MED27: variants seen among roughly 807,000 people sequenced by gnomAD.
MED27 encodes the protein mediator complex subunit 27, also known as mediator of RNA polymerase II transcription subunit 27.
MED27 carries 30 observed loss-of-function variants against 38.2 expected under a neutral mutation model. The ratio of observed to expected loss-of-function variants is 0.79; its 90% confidence interval spans 0.59 to 1.07. MED27 has a LOEUF of 1.07. Ranked by LOEUF, MED27 falls within the 50% of genes least tolerant of loss-of-function variation. The probability of loss-of-function intolerance (pLI) is 0.00; values close to 1 mark genes in which losing one functional copy is unlikely to be tolerated. For synonymous variants in MED27, 122 were observed against 153.5 expected (o/e 0.79, Z 1.52); for missense variants, 289 against 397.5 (o/e 0.73, Z 2.32).
At chr9:132,056,239 A>T (rs1335006010) in intron 2 of MED27, among the ~76,000 whole-genome samples, 1 of 152,234 alleles carries the variant, frequency 6.6e-6, no homozygotes, top group South Asian at 2.1e-4. Flanking sequence ...TTAGTTCCAC[A>T]ACAGACACTG....
In MED27 at chr9:131,939,413, A is replaced by G. The variant is rs1365779062; in HGVS notation, c.541T>C (p.Ser181Pro). ...RMFPEMSIHL[S>P]RPNGTSAMLL... ...ATTGCTGATGTTCCATTGGGTCTGG[A>G]TAAGTGGATGGACATTTCAGGAAAC... Residue 181 changes from serine (S) to proline (P), a missense_variant, in exon 4 of 8, where the codon TCC becomes CCC. Ser to Pro is a moderately conservative substitution (Grantham distance 74). Coordinates refer to ENST00000292035, the MANE Select transcript of MED27 (RefSeq NM_004269.4). 1.2e-6 allele frequency: 2 copies of G among 1,612,472 alleles called. No homozygotes were observed. The highest frequency in any genetic ancestry group is 1.3e-5 in the African/African-American group (1 of 74,978).
intron 4 of MED27, among the ~76,000 whole-genome samples, chr9:131,906,350 C>T (rs1162782633): frequency 1.3e-5 from 2 of 152,220 alleles, no homozygotes; most frequent in Non-Finnish European, 2.9e-5. Flanking sequence ...TTGATTGAAA[C>T]CTACTGGGTA....
At chr9:131,964,295 A>ATGGTGGAGGGTGTGGTGGTAGTGAAG (rs1831285930) in intron 3 of MED27, among the ~76,000 whole-genome samples, 1 of 102 alleles carries the variant, frequency 9.8e-3, no homozygotes, top group African/African-American at 0.045. Context: ...GGTGGTTGAT[A>ATGGTGGAGGGTGTGGTGGTAGTGAAG]GCGATTGTGG....
chr9:131,877,684 CAGA>C (rs1212924142), intron 6 of MED27, among the ~76,000 whole-genome samples: 1 of 152,200 alleles, frequency 6.6e-6, no homozygotes, highest in Non-Finnish European at 1.5e-5. Context: ...CAACCTGACT[CAGA>C]GGAGGGTGAC....
chr9:131,995,478 C>T (rs922605543), intron 3 of MED27, among the ~76,000 whole-genome samples: 13 of 152,114 alleles, frequency 8.5e-5, no homozygotes, highest in African/African-American at 2.7e-4. Flanking sequence ...AGGAGCACAA[C>T]CATCAACGTG....
intron 3 of MED27, among the ~76,000 whole-genome samples, chr9:131,980,026 T>C (rs1288685529): frequency 1.3e-5 from 2 of 152,240 alleles, no homozygotes; most frequent in African/African-American, 4.8e-5. Flanking sequence ...GCTTTTGGTC[T>C]ATGAATTGCC....
chr9:132,072,315 G>A (rs1833958488), intron 2 of MED27, among the ~76,000 whole-genome samples: 1 of 152,124 alleles, frequency 6.6e-6, no homozygotes, highest in Non-Finnish European at 1.5e-5. Context: ...TACAGATGAG[G>A]AAACTGATAC....
chr9:131,927,068 G>T (rs1830496664), intron 4 of MED27, among the ~76,000 whole-genome samples: 1 of 152,184 alleles, frequency 6.6e-6, no homozygotes, highest in Non-Finnish European at 1.5e-5. Flanking sequence ...ATTAATAATG[G>T]GATGTTAGGC....
rs924297902 is a variant in MED27 at position 132,073,343 on chromosome 9, C to G, written c.348+4099G>C. ...CGAAAGGGGTTGTAAATTAAAAATT[C>G]AACAGAAAACGCTTCGATTCATTTA... On this transcript the variant is annotated intron_variant, in intron 2 of 7. Coordinates refer to ENST00000292035, the MANE Select transcript of MED27 (RefSeq NM_004269.4). The G allele has an allele frequency of 7.0e-6, 7 of 995,358 alleles. No individual in the cohort carries two copies. The East Asian group carries it at 7.3e-4, about 104-fold the overall frequency. The allele number at this position is 995,358 out of a possible 1,614,324, so 61.7% of individuals were successfully genotyped here.
At chr9:132,038,024 T>C (rs914706429) in intron 2 of MED27, among the ~76,000 whole-genome samples, 1 of 151,152 alleles carries the variant, frequency 6.6e-6, no homozygotes. Context: ...GAAGTTACAA[T>C]TGGGAGGGTG....
intron 4 of MED27, among the ~76,000 whole-genome samples, chr9:131,924,464 T>A (rs1052339869): frequency 6.6e-6 from 1 of 152,192 alleles, no homozygotes; most frequent in African/African-American, 2.4e-5. Context: ...TAAAAAATAA[T>A]TTTAGGGATA....
At chr9:131,863,450 T>A (rs1468769861) in intron 6 of MED27, among the ~76,000 whole-genome samples, 1 of 152,094 alleles carries the variant, frequency 6.6e-6, no homozygotes, top group African/African-American at 2.4e-5. Context: ...TGGGGGCAGA[T>A]CCCAGAGGGG....
At chr9:131,900,800 T>G (rs925468493) in intron 4 of MED27, among the ~76,000 whole-genome samples, 1 of 152,118 alleles carries the variant, frequency 6.6e-6, no homozygotes, top group African/African-American at 2.4e-5. Flanking sequence ...CAACTATTTA[T>G]GTAAAACCAT....
At chr9:131,937,987 A>G (rs748389795) in intron 4 of MED27, among the ~76,000 whole-genome samples, 6 of 152,206 alleles carry the variant, frequency 3.9e-5, no homozygotes, top group Non-Finnish European at 8.8e-5. Context: ...TTCTATGAAA[A>G]AAACATCGCA....
At chr9:131,980,745 TA>T (rs1045517842) in intron 3 of MED27, among the ~76,000 whole-genome samples, 583 of 140,800 alleles carry the variant, frequency 4.1e-3, no homozygotes, top group Non-Finnish European at 4.2e-3. Context: ...TAGTCCCATT[TA>T]AAAAAAAAAA....
chr9:131,907,776 C>A (rs1215446033), intron 4 of MED27, among the ~76,000 whole-genome samples: 1 of 150,446 alleles, frequency 6.6e-6, no homozygotes, highest in African/African-American at 2.5e-5. Flanking sequence ...AATTGAGGAG[C>A]GCCTCTTCCC....
At chr9:131,926,513 C>A (rs1830486843) in intron 4 of MED27, among the ~76,000 whole-genome samples, 1 of 152,246 alleles carries the variant, frequency 6.6e-6, no homozygotes, top group African/African-American at 2.4e-5. Context: ...GCCGTCCTGG[C>A]CTCCTGGGTT....
At chr9:131,943,413 G>T (rs1830822524) in intron 3 of MED27, among the ~76,000 whole-genome samples, 2 of 152,146 alleles carry the variant, frequency 1.3e-5, no homozygotes, top group Admixed American at 1.3e-4. Flanking sequence ...GTCTCTGGCA[G>T]TACTCTCTGA....
intron 3 of MED27, among the ~76,000 whole-genome samples, chr9:131,952,362 G>A (rs1362728755): frequency 6.6e-6 from 1 of 152,216 alleles, no homozygotes; most frequent in Admixed American, 6.5e-5. Context: ...ACATGGACTG[G>A]GGGGAAGCAG....
Sources: allele counts gnomAD v4.1 joint callset (sites outside exome capture counted in the v4.1 genomes callset), GRCh38; gene constraint gnomAD v4.1.1; transcripts MANE v1.5; gene names NCBI Gene and HGNC (gene_info 2026-07-23, HGNC 2026-07-21).